The following EPHA5 variants were observed in gnomAD, a reference collection of about 807,000 sequenced individuals.
The protein encoded by EPHA5 is ephrin type-A receptor 5.
EPHA5 carries 60 observed loss-of-function variants against 105.0 expected under a neutral mutation model. The observed-to-expected ratio is 0.57, with a 90% confidence interval of 0.46 to 0.71. The LOEUF (loss-of-function observed/expected upper bound fraction) is 0.71. EPHA5 is among the 30% of genes least tolerant of loss of function. The probability of loss-of-function intolerance (pLI) is 0.00; values close to 1 mark genes in which losing one functional copy is unlikely to be tolerated. For missense variants in EPHA5, 1,218 were observed against 1,274.7 expected, an observed-to-expected ratio of 0.96 and a Z score of 0.68; for synonymous variants, 513 against 449.1, an observed-to-expected ratio of 1.14 and a Z score of -1.80.
intron 5 of EPHA5, among the ~76,000 whole-genome samples, chr4:65,461,858 A>G (rs1237157050): frequency 6.6e-6 from 1 of 152,100 alleles, no homozygotes; most frequent in African/African-American, 2.4e-5. Context: ...AAAAATGAGA[A>G]CAAAAGCTAA....
At chr4:65,669,091 C>T (rs372117574) in intron 1 of EPHA5, among the ~76,000 whole-genome samples, 12 of 152,212 alleles carry the variant, frequency 7.9e-5, no homozygotes, top group South Asian at 4.1e-4. Context: ...GCCACCCCCA[C>T]AACGTTTCCC....
At chr4:65,392,021 T>C (rs990942996) in intron 8 of EPHA5, among the ~76,000 whole-genome samples, 11 of 152,162 alleles carry the variant, frequency 7.2e-5, no homozygotes, top group African/African-American at 2.7e-4. Context: ...GGATGTTCAA[T>C]AGTGTTGAGC....
At chr4:65,656,525 C>T (rs1749076621) in intron 1 of EPHA5, among the ~76,000 whole-genome samples, 1 of 148,642 alleles carries the variant, frequency 6.7e-6, no homozygotes, top group Admixed American at 6.8e-5. Flanking sequence ...CATTTATTTT[C>T]TCATGAAGCA....
intron 3 of EPHA5, among the ~76,000 whole-genome samples, chr4:65,543,013 A>G (rs1267390095): frequency 6.6e-6 from 1 of 152,110 alleles, no homozygotes; most frequent in African/African-American, 2.4e-5. Flanking sequence ...CTTTGATAAA[A>G]TTTAACATCC....
chr4:65,416,196 T>C (rs558299624), intron 6 of EPHA5, among the ~76,000 whole-genome samples: 1 of 152,158 alleles, frequency 6.6e-6, no homozygotes, highest in East Asian at 1.9e-4. Context: ...TATAAAATTT[T>C]CATTTTTACG....
intron 5 of EPHA5, among the ~76,000 whole-genome samples, chr4:65,450,823 C>T (rs979701384): frequency 1.3e-5 from 2 of 152,048 alleles, no homozygotes; most frequent in African/African-American, 2.4e-5. Flanking sequence ...CCTAAAGAAC[C>T]TCAAAATAAT....
chr4:65,355,029 G>C (rs1188978299), intron 11 of EPHA5, among the ~76,000 whole-genome samples: 1 of 151,718 alleles, frequency 6.6e-6, no homozygotes, highest in Non-Finnish European at 1.5e-5. Context: ...GCCTATGTTA[G>C]GTGAGAGATC....
intron 2 of EPHA5, among the ~76,000 whole-genome samples, chr4:65,619,835 T>C (rs35988696): frequency 0.25 from 37,192 of 151,738 alleles, 5,242 homozygotes; most frequent in East Asian, 0.56. Context: ...AATTTTTACA[T>C]GTAAAATCTA....
At chr4:65,578,495 G>T (rs1741289019) in intron 3 of EPHA5, among the ~76,000 whole-genome samples, 1 of 152,140 alleles carries the variant, frequency 6.6e-6, no homozygotes, top group East Asian at 1.9e-4. Flanking sequence ...TGCTCCAACT[G>T]CACATGCTCT....
Position 65,495,471 on chromosome 4 carries a change from G to A in EPHA5, c.983C>T (p.Thr328Ile), listed in dbSNP as rs574202545. ...SCGKCPPHSY[T>I]HEEASTSCVC... ...ACAAGAGGTTGAAGCTTCCTCATGGGTATAACTGTGAGGTGGACATTTGCC... is the reference window on the plus strand; with the variant it reads ...ACAAGAGGTTGAAGCTTCCTCATGGATATAACTGTGAGGTGGACATTTGCC... The change falls in exon 4 of 17, where the codon ACC becomes ATC. Residue 328 changes from threonine to isoleucine, a missense_variant. Around this residue, in one of 3 missense-constraint regions of EPHA5, gnomAD observed 971 missense variants for 1,013.5 expected, o/e 0.96. Coordinates refer to ENST00000613740, the MANE Select transcript of EPHA5 (RefSeq NM_001281766.3). 1.2e-6 allele frequency: 2 copies of A among 1,613,658 alleles called. No individual in the cohort carries two copies. The highest frequency in any genetic ancestry group is 1.1e-5 in the South Asian group (1 of 91,060).
At chr4:65,472,648 C>G (rs1173815682) in intron 5 of EPHA5, among the ~76,000 whole-genome samples, 1 of 152,158 alleles carries the variant, frequency 6.6e-6, no homozygotes, top group Non-Finnish European at 1.5e-5. Flanking sequence ...ACCTTGGCAC[C>G]TTTTAGCCAC....
At chr4:65,610,121 G>A (rs1029758109) in intron 2 of EPHA5, among the ~76,000 whole-genome samples, 2 of 152,008 alleles carry the variant, frequency 1.3e-5, no homozygotes, top group Non-Finnish European at 2.9e-5. Context: ...ATAAAAAAAT[G>A]TGGTAAATAT....
At chr4:65,470,930 A>G (rs1320002838) in intron 5 of EPHA5, among the ~76,000 whole-genome samples, 1 of 152,230 alleles carries the variant, frequency 6.6e-6, no homozygotes, top group Non-Finnish European at 1.5e-5. Context: ...CTATAACAAT[A>G]TCTGAATTTT....
chr4:65,583,136 T>C (rs1384486590), intron 3 of EPHA5, among the ~76,000 whole-genome samples: 1 of 151,668 alleles, frequency 6.6e-6, no homozygotes, highest in East Asian at 1.9e-4. Context: ...TCTGCTGTGA[T>C]AAATCATGGA....
At chr4:65,609,985 T>G (rs1744613819) in intron 2 of EPHA5, among the ~76,000 whole-genome samples, 1 of 152,010 alleles carries the variant, frequency 6.6e-6, no homozygotes, top group African/African-American at 2.4e-5. Flanking sequence ...ATCAAAGATG[T>G]CATAAACACT....
At chr4:65,348,700 A>ATGTGTGTGT (rs1560437989) in intron 13 of EPHA5, among the ~76,000 whole-genome samples, 10 of 20,316 alleles carry the variant, frequency 4.9e-4, no homozygotes, top group African/African-American at 8.8e-4. Flanking sequence ...ATATATATAA[A>ATGTGTGTGT]ATATATATGT....
intron 3 of EPHA5, among the ~76,000 whole-genome samples, chr4:65,545,505 AT>A (rs953353468): frequency 1.6e-4 from 24 of 151,900 alleles, no homozygotes; most frequent in Non-Finnish European, 3.4e-4. Context: ...TGTTATGGTT[AT>A]TTTTTCAGAC....
intron 3 of EPHA5, among the ~76,000 whole-genome samples, chr4:65,546,187 A>T (rs1737354184): frequency 6.6e-6 from 1 of 151,982 alleles, no homozygotes; most frequent in Non-Finnish European, 1.5e-5. Context: ...AGTTCATGGT[A>T]AGGCAGTGAG....
At chr4:65,520,820 A>G (rs1209781573) in intron 3 of EPHA5, among the ~76,000 whole-genome samples, 4 of 152,180 alleles carry the variant, frequency 2.6e-5, no homozygotes, top group African/African-American at 9.7e-5. Flanking sequence ...CAAAACCACA[A>G]TGAGATACCA....
Sources: gnomAD v4.1 joint callset for allele counts (sites outside exome capture counted in the v4.1 genomes callset) on GRCh38, gnomAD v4.1.1 for gene constraint, gnomAD v4.1.1 regional missense constraint, MANE v1.5 for transcripts, NCBI Gene and HGNC (gene_info 2026-07-23, HGNC 2026-07-21) for gene names.